DCAF1: variants seen among roughly 807,000 people sequenced by gnomAD.
DCAF1 encodes DDB1 and CUL4 associated factor 1, also known as DDB1- and CUL4-associated factor 1.
DCAF1 carries 15 observed loss-of-function variants against 128.0 expected under a neutral mutation model. That is an observed-to-expected ratio of 0.12 (90% CI 0.08 to 0.18). The LOEUF is 0.18. DCAF1 is among the 10% of genes least tolerant of loss of function. The pLI is 1.00. For missense variants in DCAF1, 988 were observed against 1,649.5 expected (o/e 0.60, Z 6.95); for synonymous variants, 610 against 603.0 (o/e 1.01, Z -0.17).
At chr3:51,402,422 C>T (rs79270327) in intron 24 of DCAF1, among the ~76,000 whole-genome samples, 1 of 152,316 alleles carries the variant, frequency 6.6e-6, no homozygotes, top group East Asian at 1.9e-4. Context: ...AGTTGACAAA[C>T]TACAAGCCCA....
intron 9 of DCAF1, among the ~76,000 whole-genome samples, chr3:51,435,808 T>A (rs1306622265): frequency 6.6e-6 from 1 of 152,128 alleles, no homozygotes; most frequent in African/African-American, 2.4e-5. Context: ...CCTCCTTGTA[T>A]CCCTCGTACC....
At chr3:51,477,612 A>G (rs1553651113) in intron 3 of DCAF1, among the ~76,000 whole-genome samples, 1 of 152,012 alleles carries the variant, frequency 6.6e-6, no homozygotes, top group East Asian at 1.9e-4. Context: ...TGGGGGGAAA[A>G]AAAAACAACA....
chr3:51,439,290 G>A (rs1011377566), intron 9 of DCAF1, among the ~76,000 whole-genome samples: 11 of 150,772 alleles, frequency 7.3e-5, no homozygotes, highest in African/African-American at 2.7e-4. Context: ...TACCACGCCA[G>A]GCTAATTTTT....
intron 2 of DCAF1, among the ~76,000 whole-genome samples, chr3:51,487,848 C>CTATTTATT (rs111392432): frequency 3.5e-4 from 53 of 150,054 alleles, no homozygotes; most frequent in African/African-American, 9.4e-4. Flanking sequence ...GCCTACCAAA[C>CTATTTATT]TATTTATTTA....
rs1553653976 is a variant in DCAF1, at chr3:51,483,711, A to G, written c.110+8T>C. On this transcript the variant is annotated splice_region_variant and intron_variant, in intron 3 of 24. Coordinates refer to ENST00000684031, the MANE Select transcript of DCAF1 (RefSeq NM_001387579.1). The stretch of plus-strand genomic sequence containing the variant: ...TATTAAACTAGGTTTTAAAAAAGTT[A>G]TTCATACCTGGTAAGGATAGGTACC... The G allele has an allele frequency of 6.2e-6, 10 of 1,609,978 alleles. No individual in the cohort carries two copies. The highest frequency in any genetic ancestry group is 8.5e-6 in the Non-Finnish European group (10 of 1,176,852).
Position 51,476,649 on chromosome 3 carries a change from G to A in DCAF1, c.111-5644C>T, listed in dbSNP as rs921456209. ...TCCCAGCACTTTGGGAGGCTGAGGC[G>A]GGCAGATCACGAGATCAGAAGATCA... On this transcript the variant is annotated intron_variant, in intron 3 of 24. Transcript: ENST00000684031. Among the ~76,000 whole-genome samples the A allele has an allele frequency of 6.0e-5, 9 of 150,596 alleles. No homozygotes were observed. The South Asian group carries it at 6.3e-4, about 10-fold the overall frequency.
At position 51,420,328 on chromosome 3, in the gene DCAF1, G is replaced by A. The variant is rs1436795150; in HGVS notation, c.2642C>T (p.Ala881Val). Residue 881 changes from alanine (A) to valine (V), a missense_variant, in exon 15 of 25, where the codon GCC becomes GTC. Around this residue, in one of 11 missense-constraint regions of DCAF1, gnomAD observed 88 missense variants for 107.7 expected, o/e 0.82. Coordinates refer to ENST00000684031, the MANE Select transcript of DCAF1 (RefSeq NM_001387579.1). This position sits in a 1 kb window ranked among gnomAD's most constrained non-coding sequence, Gnocchi z 6.5. ...TKEADLPMTA[A>V]SHSSAFTPVT... The stretch of plus-strand genomic sequence containing the variant: ...TGGGGTAAAGGCAGAAGAATGGGAG[G>A]CAGCAGTCATGGGCAGGTCAGCCTC... 3.7e-6 allele frequency: 6 copies of A among 1,613,916 alleles called. No individual in the cohort carries two copies. Among genetic ancestry groups the A allele is most frequent in the Non-Finnish European group, 5.1e-6 (6 of 1,179,906 alleles).
chr3:51,490,998 G>GT (rs1178163748), intron 2 of DCAF1, among the ~76,000 whole-genome samples: 4 of 147,978 alleles, frequency 2.7e-5, no homozygotes, highest in African/African-American at 1.0e-4. Flanking sequence ...TCTAAAATTC[G>GT]TATGTAATTG....
chr3:51,408,519 G>A (rs565551037), intron 23 of DCAF1, among the ~76,000 whole-genome samples: 8 of 152,236 alleles, frequency 5.3e-5, no homozygotes, highest in East Asian at 1.9e-4. Context: ...CAGGTGAAGC[G>A]TACAAAGCAA....
chr3:51,468,449 G>A (rs1399112919), intron 4 of DCAF1, among the ~76,000 whole-genome samples: 1 of 152,124 alleles, frequency 6.6e-6, no homozygotes, highest in African/African-American at 2.4e-5. Context: ...TGGGATTACA[G>A]GTATGAGCCA....
chr3:51,471,337 C>T (rs1704721841), intron 3 of DCAF1, among the ~76,000 whole-genome samples: 1 of 151,820 alleles, frequency 6.6e-6, no homozygotes, highest in South Asian at 2.1e-4. Context: ...GCACCCACCA[C>T]CACGCCCGGC....
At chr3:51,474,431 CTAAA>C (rs1705180512) in intron 3 of DCAF1, among the ~76,000 whole-genome samples, 3 of 152,056 alleles carry the variant, frequency 2.0e-5, no homozygotes, top group African/African-American at 4.8e-5. Context: ...AAAAATATAA[CTAAA>C]TAAATATAAA....
At chr3:51,482,085 T>A (rs1706271049) in intron 3 of DCAF1, among the ~76,000 whole-genome samples, 1 of 152,004 alleles carries the variant, frequency 6.6e-6, no homozygotes, top group African/African-American at 2.4e-5. Context: ...TATGAATAAA[T>A]GAGGAGACAC....
intron 18 of DCAF1, among the ~76,000 whole-genome samples, chr3:51,416,390 G>A (rs1698882595): frequency 6.6e-6 from 1 of 152,196 alleles, no homozygotes; most frequent in East Asian, 1.9e-4. Flanking sequence ...AGATAAAAGA[G>A]AAGTCCCCCA....
At position 51,479,451 on chromosome 3, in the gene DCAF1, C is replaced by T. The variant is rs187999070; in HGVS notation, c.110+4268G>A. Among the ~76,000 whole-genome samples the T allele has an allele frequency of 3.2e-4, 49 of 152,042 alleles. No individual in the cohort carries two copies. The East Asian group carries it at 6.0e-3, about 19-fold the overall frequency. On this transcript the variant is annotated intron_variant, in intron 3 of 24. Transcript: ENST00000684031. ...CCAGGAAGTTGAGGTTGCAGTGACC[C>T]GAGATCACGCCACTACACTCCAGCC...
At chr3:51,440,898 T>A (rs1047627342) in intron 9 of DCAF1, 72 bp downstream of exon 9, 34 of 1,294,786 alleles carry the variant, frequency 2.6e-5, no homozygotes, top group Admixed American at 4.2e-5. Context: ...AGAGTGAGAC[T>A]CCATCTTAAA....
intron 6 of DCAF1, among the ~76,000 whole-genome samples, chr3:51,451,987 A>T (rs1169319444): frequency 6.6e-6 from 1 of 151,932 alleles, no homozygotes; most frequent in Non-Finnish European, 1.5e-5. Flanking sequence ...TTCAAGGTTT[A>T]AAAAAAAGTA....
chr3:51,478,197 G>A (rs1409565216), intron 3 of DCAF1, among the ~76,000 whole-genome samples: 1 of 151,958 alleles, frequency 6.6e-6, no homozygotes, highest in Non-Finnish European at 1.5e-5. Context: ...AGAGACAACA[G>A]TCTCACCATG....
At chr3:51,399,100 C>T (rs1330728670) in intron 24 of DCAF1, among the ~76,000 whole-genome samples, 1 of 152,212 alleles carries the variant, frequency 6.6e-6, no homozygotes, top group African/African-American at 2.4e-5. Context: ...AGGGATCAAG[C>T]GAGTGCCATC....
Sources: allele counts gnomAD v4.1 joint callset (sites outside exome capture counted in the v4.1 genomes callset), GRCh38; gene constraint gnomAD v4.1.1; regional missense constraint gnomAD v4.1.1; non-coding constraint Gnocchi (gnomAD v3.1); transcripts MANE v1.5; gene names NCBI Gene and HGNC (gene_info 2026-07-23, HGNC 2026-07-21).